CACNA2D1: variants seen among roughly 807,000 people sequenced by gnomAD.
CACNA2D1 encodes the protein calcium voltage-gated channel auxiliary subunit alpha2delta 1.
A neutral mutation model predicts 171.5 loss-of-function variants in CACNA2D1; 53 were observed. That is an observed-to-expected ratio of 0.31 (90% CI 0.25 to 0.39). CACNA2D1 has a LOEUF of 0.39. CACNA2D1 is among the 10% of genes least tolerant of loss of function. The pLI is 1.00. For missense variants in CACNA2D1, 903 were observed against 1,299.8 expected (o/e 0.69, Z 4.69); for synonymous variants, 442 against 443.1 (o/e 1.00, Z 0.03).
intron 3 of CACNA2D1, among the ~76,000 whole-genome samples, chr7:82,226,214 A>G (rs1018336930): frequency 2.6e-5 from 4 of 152,176 alleles, no homozygotes; most frequent in Non-Finnish European, 4.4e-5. Flanking sequence ...TTGATTCACA[A>G]AAGTACTAAC....
At chr7:82,249,717 C>A (rs1805395054) in intron 3 of CACNA2D1, among the ~76,000 whole-genome samples, 1 of 152,194 alleles carries the variant, frequency 6.6e-6, no homozygotes, top group South Asian at 2.1e-4. Flanking sequence ...TTGATGTGAT[C>A]TCTATAATCA....
intron 1 of CACNA2D1, among the ~76,000 whole-genome samples, chr7:82,357,186 A>C (rs140658782): frequency 6.6e-6 from 1 of 152,140 alleles, no homozygotes; most frequent in Non-Finnish European, 1.5e-5. Flanking sequence ...TGTTCCTTTC[A>C]AGGTTGGATT....
chr7:82,323,264 T>TA (rs879405351), intron 3 of CACNA2D1, among the ~76,000 whole-genome samples: 3,005 of 144,620 alleles, frequency 0.021, 90 homozygotes, highest in African/African-American at 0.068. Flanking sequence ...GCTATGTTGT[T>TA]AAAAAAAAAA....
chr7:82,024,781 T>G (rs1801670767), intron 12 of CACNA2D1, among the ~76,000 whole-genome samples: 2 of 151,740 alleles, frequency 1.3e-5, no homozygotes. Context: ...TTTTAGGTCT[T>G]AAATTTTAGA....
chr7:81,961,335 T>C (rs1052592982), intron 36 of CACNA2D1, among the ~76,000 whole-genome samples: 3 of 151,948 alleles, frequency 2.0e-5, no homozygotes, highest in African/African-American at 7.2e-5. Flanking sequence ...TGACTAACAT[T>C]AACCATGACC....
intron 3 of CACNA2D1, among the ~76,000 whole-genome samples, chr7:82,191,915 G>A (rs1416231750): frequency 6.6e-6 from 1 of 151,696 alleles, no homozygotes. Flanking sequence ...ATTCATCTTA[G>A]AAATACAAAG....
chr7:82,138,440 G>GTTTTTTTTT (rs1423711232), intron 4 of CACNA2D1, among the ~76,000 whole-genome samples: 4 of 95,348 alleles, frequency 4.2e-5, no homozygotes, highest in African/African-American at 1.4e-4. Context: ...TGTTTTTTTT[G>GTTTTTTTTT]TTTTTTTTGT....
intron 1 of CACNA2D1, among the ~76,000 whole-genome samples, chr7:82,369,045 T>C (rs1212075834): frequency 6.6e-6 from 1 of 152,170 alleles, no homozygotes; most frequent in Non-Finnish European, 1.5e-5. Flanking sequence ...GTCTCTTCCT[T>C]GAAAGCTCCT....
intron 3 of CACNA2D1, among the ~76,000 whole-genome samples, chr7:82,200,660 T>C (rs1041777059): frequency 6.6e-6 from 1 of 152,204 alleles, no homozygotes; most frequent in Non-Finnish European, 1.5e-5. Flanking sequence ...TTTTACTCTT[T>C]TTGTCAAGTT....
chr7:82,067,714 A>G (rs568308914), intron 7 of CACNA2D1, among the ~76,000 whole-genome samples: 2 of 152,154 alleles, frequency 1.3e-5, no homozygotes, highest in Non-Finnish European at 2.9e-5. Flanking sequence ...CTGCGATGTA[A>G]AATAATCCTT....
chr7:82,443,088 G>A (rs1409693751), intron 1 of CACNA2D1, among the ~76,000 whole-genome samples: 3 of 152,172 alleles, frequency 2.0e-5, no homozygotes, highest in African/African-American at 7.2e-5. Flanking sequence ...CGTTAGAGAC[G>A]GGCTGAGACG....
chr7:82,396,524 T>C (rs1563489315), intron 1 of CACNA2D1, among the ~76,000 whole-genome samples: 2 of 152,192 alleles, frequency 1.3e-5, no homozygotes, highest in Non-Finnish European at 2.9e-5. Context: ...TTCACCACTC[T>C]GTGGCTACAC....
chr7:82,085,085 T>C (rs1304959895), intron 6 of CACNA2D1, among the ~76,000 whole-genome samples, 185 bp from the exon 7 acceptor site: 1 of 152,196 alleles, frequency 6.6e-6, no homozygotes, highest in Non-Finnish European at 1.5e-5. Context: ...ACTACCAACA[T>C]GTACATAGTA....
intron 3 of CACNA2D1, among the ~76,000 whole-genome samples, chr7:82,192,402 AT>A: frequency 1.3e-3 from 1 of 792 alleles, no homozygotes; most frequent in Non-Finnish European, 2.3e-3. Flanking sequence ...CAGGGGAAAT[AT>A]ATATATATAT....
At chr7:82,343,004 C>T (rs1475530061) in intron 2 of CACNA2D1, 1 of 152,160 alleles carries the variant, frequency 6.6e-6, no homozygotes. Context: ...TTGTTTACTA[C>T]AAACACAATC....
intron 3 of CACNA2D1, among the ~76,000 whole-genome samples, chr7:82,199,347 A>C (rs1288600756): frequency 6.6e-6 from 1 of 152,108 alleles, no homozygotes; most frequent in Non-Finnish European, 1.5e-5. Context: ...GCCTTAGTGG[A>C]TTTTATTACA....
At chr7:82,358,486 T>C (rs1820709630) in intron 1 of CACNA2D1, among the ~76,000 whole-genome samples, 1 of 152,208 alleles carries the variant, frequency 6.6e-6, no homozygotes, top group African/African-American at 2.4e-5. Context: ...GCTCTGTTTT[T>C]AGAAAGCTGT....
intron 7 of CACNA2D1, among the ~76,000 whole-genome samples, chr7:82,071,832 T>TA (rs1379257977): frequency 6.6e-6 from 1 of 152,166 alleles, no homozygotes; most frequent in Non-Finnish European, 1.5e-5. Flanking sequence ...GCAAAAGTGA[T>TA]ATATGCATGA....
intron 1 of CACNA2D1, among the ~76,000 whole-genome samples, chr7:82,402,671 A>T (rs1361029012): frequency 7.2e-6 from 1 of 138,700 alleles, no homozygotes; most frequent in East Asian, 2.2e-4. Flanking sequence ...AGATCACTGC[A>T]CTTCAGCCAG....
Sources: gnomAD v4.1 joint callset for allele counts (sites outside exome capture counted in the v4.1 genomes callset) on GRCh38, gnomAD v4.1.1 for gene constraint, MANE v1.5 for transcripts, NCBI Gene and HGNC (gene_info 2026-07-23, HGNC 2026-07-21) for gene names.